The following LAPTM4A variants were observed in gnomAD, a reference collection of about 807,000 sequenced individuals.
The protein encoded by LAPTM4A is lysosomal-associated transmembrane protein 4A.
A neutral mutation model predicts 29.9 loss-of-function variants in LAPTM4A; 19 were observed. The ratio of observed to expected loss-of-function variants is 0.64; its 90% confidence interval spans 0.44 to 0.93. LAPTM4A has a LOEUF of 0.93. Among genes scored for constraint, LAPTM4A ranks in the 40% least tolerant of loss-of-function variants. The pLI is 0.00. For synonymous variants in LAPTM4A, 105 were observed against 102.1 expected, an observed-to-expected ratio of 1.03 and a Z score of -0.17; for missense variants, 293 against 288.5, an observed-to-expected ratio of 1.02 and a Z score of -0.11.
chr2:20,033,616 G>C (rs921527166), intron 6 of LAPTM4A, among the ~76,000 whole-genome samples: 1 of 152,178 alleles, frequency 6.6e-6, no homozygotes, highest in African/African-American at 2.4e-5. Flanking sequence ...TTCAGGTGTT[G>C]AGGAGTTGGG....
intron 1 of LAPTM4A, among the ~76,000 whole-genome samples, chr2:20,043,849 T>C (rs1195319720): frequency 6.6e-6 from 1 of 152,222 alleles, no homozygotes; most frequent in African/African-American, 2.4e-5. Context: ...GCTATATAAC[T>C]TGTGTTAAGC....
At chr2:20,037,737 T>A in intron 2 of LAPTM4A, 123 bp from the exon 3 acceptor site, 8 of 520,654 alleles carry the variant, frequency 1.5e-5, no homozygotes, top group East Asian at 3.3e-5. Flanking sequence ...TAAAAAGATC[T>A]AAGGCCAAGA....
In LAPTM4A at chr2:20,042,636, C is replaced by G. The variant is rs1470429727; in HGVS notation, c.112-1625G>C. Among the ~76,000 whole-genome samples, 3 of 152,226 alleles carry G rather than the reference C, an allele frequency of 2.0e-5. 1 individual carries two copies. The South Asian group carries it at 6.2e-4, about 31-fold the overall frequency. ...AAAATTGTTTAGCTCTTTAGAGGAACAGCCTGCTGAAATCCCATTATAATA... is the reference window on the plus strand; with the variant it reads ...AAAATTGTTTAGCTCTTTAGAGGAAGAGCCTGCTGAAATCCCATTATAATA... On this transcript the variant is annotated intron_variant, in intron 1 of 6. Coordinates refer to ENST00000175091, the MANE Select transcript of LAPTM4A (RefSeq NM_014713.5).
chr2:20,049,568 T>C (rs1367818811), intron 1 of LAPTM4A, among the ~76,000 whole-genome samples: 1 of 152,238 alleles, frequency 6.6e-6, no homozygotes, highest in Non-Finnish European at 1.5e-5. Flanking sequence ...TTTATCCTGC[T>C]ATTCTATTCA....
intron 4 of LAPTM4A, among the ~76,000 whole-genome samples, chr2:20,035,641 G>C (rs1270738374): frequency 6.6e-6 from 1 of 152,144 alleles, no homozygotes; most frequent in African/African-American, 2.4e-5. Context: ...AATCAGCCCT[G>C]ACTGTGTACA....
Position 20,051,589 on chromosome 2 carries a change from C to T in LAPTM4A, c.-69G>A, listed in dbSNP as rs372995732. ...TTCTCCACCCGCAGCCAAACTCAAA[C>T]GGCTGTTTCACGGCCTCCAAAACCC... On this transcript the variant is annotated 5_prime_UTR_variant, in exon 1 of 7. Transcript: ENST00000175091. The T allele has an allele frequency of 1.2e-4, 124 of 1,036,864 alleles. 1 individual carries two copies. In the African/African-American group the frequency reaches 1.6e-3, roughly 14 times the overall value. 64.2% of individuals were successfully genotyped at this position (1,036,864 alleles called of 1,614,324 possible). A position where few individuals can be genotyped will look rare whatever the true frequency, so the allele number is the denominator to read the frequency against.
At chr2:20,035,472 G>A (rs1376488746) in intron 4 of LAPTM4A, among the ~76,000 whole-genome samples, 2 of 152,174 alleles carry the variant, frequency 1.3e-5, no homozygotes, top group African/African-American at 2.4e-5. Context: ...AATGCTACAA[G>A]GGGAAAATTA....
chr2:20,049,739 A>C (rs1174041433), intron 1 of LAPTM4A, among the ~76,000 whole-genome samples: 4 of 152,186 alleles, frequency 2.6e-5, no homozygotes, highest in African/African-American at 9.7e-5. Flanking sequence ...TCTGAGAAGA[A>C]ACAGGAAGAC....
chr2:20,051,384 A>C, intron 1 of LAPTM4A, 26 bp downstream of exon 1: 2 of 1,427,468 alleles, frequency 1.4e-6, no homozygotes, highest in Non-Finnish European at 1.9e-6. Flanking sequence ...CCCCCCGGAC[A>C]TACGCGCCAC....
At position 20,033,060 on chromosome 2, in the gene LAPTM4A, GCTC is replaced by G. The variant is rs1462386891; in HGVS notation, c.*142_*144del. 1.2e-5 allele frequency: 8 copies of G among 674,824 alleles called. No homozygotes were observed. The highest frequency in any genetic ancestry group is 9.1e-5 in the African/African-American group (5 of 54,874). The allele number at this position is 674,824 out of a possible 1,614,324, so 41.8% of individuals were successfully genotyped here. On this transcript the variant is annotated 3_prime_UTR_variant, in exon 7 of 7. Coordinates refer to ENST00000175091, the MANE Select transcript of LAPTM4A (RefSeq NM_014713.5). ...AAAGACGTTTAACAGATGTCAAAAA[GCTC>G]CTTAGTGTTTGAAAATAAATGCTTA... is the stretch of plus-strand genomic sequence containing the variant.
chr2:20,037,796 C>T (rs890513723), intron 2 of LAPTM4A, among the ~76,000 whole-genome samples, 182 bp from the exon 3 acceptor site: 4 of 151,202 alleles, frequency 2.6e-5, no homozygotes, highest in Non-Finnish European at 5.9e-5. Context: ...AAGTAAGGAA[C>T]CTTGAGACAT....
chr2:20,038,954 T>C (rs1044345120), intron 2 of LAPTM4A, among the ~76,000 whole-genome samples: 2 of 151,904 alleles, frequency 1.3e-5, no homozygotes, highest in African/African-American at 4.8e-5. Context: ...AATCTCACTG[T>C]CACCCAGGCT....
chr2:20,040,680 C>T (rs1482475378), intron 2 of LAPTM4A, among the ~76,000 whole-genome samples: 1 of 152,166 alleles, frequency 6.6e-6, no homozygotes, highest in Non-Finnish European at 1.5e-5. Context: ...CAGTAACCTG[C>T]TGTACAGGTT....
intron 1 of LAPTM4A, among the ~76,000 whole-genome samples, chr2:20,042,652 C>T (rs760971734): frequency 9.9e-5 from 15 of 152,202 alleles, no homozygotes; most frequent in Non-Finnish European, 2.2e-4. Context: ...GCTGAAATCC[C>T]ATTATAATAT....
At chr2:20,048,151 G>A (rs1673975616) in intron 1 of LAPTM4A, among the ~76,000 whole-genome samples, 2 of 152,204 alleles carry the variant, frequency 1.3e-5, no homozygotes, top group Non-Finnish European at 2.9e-5. Context: ...TGCTCAAAAT[G>A]TAGTCTTGTA....
At chr2:20,038,135 T>C (rs1332373900) in intron 2 of LAPTM4A, among the ~76,000 whole-genome samples, 1 of 152,176 alleles carries the variant, frequency 6.6e-6, no homozygotes, top group Non-Finnish European at 1.5e-5. Flanking sequence ...ACATTACCCT[T>C]TGCTCTAGAT....
chr2:20,033,424 C>A, intron 6 of LAPTM4A, 145 bp from the exon 7 acceptor site: 1 of 675,366 alleles, frequency 1.5e-6, no homozygotes. Flanking sequence ...AAAATGTTCC[C>A]AAGTAGATGC....
chr2:20,045,558 G>C (rs749426839), intron 1 of LAPTM4A, among the ~76,000 whole-genome samples: 1 of 152,124 alleles, frequency 6.6e-6, no homozygotes, highest in East Asian at 1.9e-4. Flanking sequence ...CATGGGCTGC[G>C]GATTCACCAC....
chr2:20,034,018 C>T (rs1673630235), intron 6 of LAPTM4A, among the ~76,000 whole-genome samples: 1 of 152,160 alleles, frequency 6.6e-6, no homozygotes, highest in Non-Finnish European at 1.5e-5. Context: ...CTTAGAAGCC[C>T]CAGGCTACAT....
Sources: gnomAD v4.1 joint callset for allele counts (sites outside exome capture counted in the v4.1 genomes callset) on GRCh38, gnomAD v4.1.1 for gene constraint, MANE v1.5 for transcripts, NCBI Gene and HGNC (gene_info 2026-07-23, HGNC 2026-07-21) for gene names.